Variants in TBC1D15 observed in about 807,000 individuals in gnomAD.
TBC1D15 encodes GAP for RAB7.
In TBC1D15, 39 loss-of-function variants were observed where a neutral mutation model predicts 95.4. The observed-to-expected ratio is 0.41, with a 90% CI of 0.32 to 0.53. The LOEUF is 0.53. Ranked by LOEUF, TBC1D15 falls within the 20% of genes least tolerant of loss-of-function variation. The pLI is 0.29. For synonymous variants in TBC1D15, 258 were observed against 261.3 expected (o/e 0.99, Z 0.12); for missense variants, 733 against 794.3 (o/e 0.92, Z 0.93).
At chr12:71,893,114 T>C (rs1278531859) in intron 5 of TBC1D15, 108 bp from the exon 6 acceptor site, 3 of 616,148 alleles carry the variant, frequency 4.9e-6, no homozygotes, top group Non-Finnish European at 7.8e-6. Context: ...TGTTAAAATA[T>C]TTTGGGTTTT....
chr12:71,895,832 TTAAAAG>T, intron 7 of TBC1D15, 109 bp from the exon 8 acceptor site: 1 of 999,772 alleles, frequency 1.0e-6, no homozygotes, highest in Admixed American at 2.9e-5. Context: ...AGGAACAATC[TTAAAAG>T]TATTAGAAGT....
At position 71,839,809 on chromosome 12, in the gene TBC1D15, A is replaced by C. The variant is rs75347629; in HGVS notation, c.28A>C (p.Lys10Gln). Residue 10 changes from lysine to glutamine, a missense_variant and splice_region_variant, in exon 1 of 17, where the codon AAG becomes CAG. By Grantham distance (53) the Lys-to-Gln change is moderately conservative. Coordinates refer to ENST00000485960, the MANE Select transcript of TBC1D15 (RefSeq NM_001146213.3). ...GGCGGCGGCGGGTGTTGTGAGCGGG[A>C]AGGTAGGTAACGGCCTCCAGGAAGA... The part of the protein sequence containing the change: MAAAGVVSG[K>Q]IIYEQEGVYI... 3.1e-6 allele frequency: 5 copies of C among 1,613,840 alleles called. No homozygotes were observed. The highest frequency in any genetic ancestry group is 1.3e-5 in the African/African-American group (1 of 74,856).
intron 10 of TBC1D15, among the ~76,000 whole-genome samples, chr12:71,899,974 C>A (rs6582067): frequency 0.27 from 40,975 of 151,180 alleles, 7,518 homozygotes; most frequent in African/African-American, 0.53. Flanking sequence ...AAAACAAAAC[C>A]AAAAAAAGTA....
intron 5 of TBC1D15, among the ~76,000 whole-genome samples, chr12:71,892,174 A>C (rs1897297110): frequency 6.6e-6 from 1 of 151,950 alleles, no homozygotes. Flanking sequence ...ATGTCAAATG[A>C]CTCAACCTCA....
At chr12:71,918,336 A>G in intron 13 of TBC1D15, 115 bp from the exon 14 acceptor site, 1 of 558,978 alleles carries the variant, frequency 1.8e-6, no homozygotes, top group East Asian at 3.0e-5. Flanking sequence ...GTAGAAGACA[A>G]ATGTATAGGG....
At chr12:71,847,107 A>T (rs1466946407) in intron 1 of TBC1D15, among the ~76,000 whole-genome samples, 1 of 152,098 alleles carries the variant, frequency 6.6e-6, no homozygotes, top group East Asian at 1.9e-4. Flanking sequence ...ACATGTATTT[A>T]GAGTATACAA....
chr12:71,889,144 A>C (rs375745510), intron 5 of TBC1D15, among the ~76,000 whole-genome samples: 2 of 152,284 alleles, frequency 1.3e-5, no homozygotes. Flanking sequence ...TGCACCCTTT[A>C]ATAATCTGGT....
intron 11 of TBC1D15, among the ~76,000 whole-genome samples, chr12:71,909,022 A>G (rs1901513713): frequency 6.6e-6 from 1 of 152,204 alleles, no homozygotes; most frequent in Non-Finnish European, 1.5e-5. Context: ...ATTCTCTCAG[A>G]TGGTAATTTT....
rs1280168283 is a variant in TBC1D15 at position 71,923,613 on chromosome 12, C to G, written c.*409C>G. On this transcript the variant is annotated 3_prime_UTR_variant, in exon 17 of 17. Transcript: ENST00000485960. ...TTCTAAGCTGAGAAGTAGATTGTTA[C>G]CCAGTAATGAAATAAAAAATAAAAA... is the stretch of plus-strand genomic sequence containing the variant. 6.3e-6 allele frequency: 1 copy of G among 159,046 alleles called. No individual in the cohort carries two copies. The highest frequency in any genetic ancestry group is 1.4e-5 in the Non-Finnish European group (1 of 72,224). The allele number at this position is 159,046 out of a possible 1,614,324, so 9.9% of individuals were successfully genotyped here.
At chr12:71,889,967 A>G (rs927910990) in intron 5 of TBC1D15, among the ~76,000 whole-genome samples, 6 of 152,196 alleles carry the variant, frequency 3.9e-5, no homozygotes, top group African/African-American at 9.6e-5. Context: ...TGCCAAGGAC[A>G]TGGTCTCATT....
chr12:71,846,495 T>C (rs1261444584), intron 1 of TBC1D15, among the ~76,000 whole-genome samples: 2 of 152,218 alleles, frequency 1.3e-5, no homozygotes, highest in Admixed American at 6.5e-5. Context: ...AATTGCTTCA[T>C]AAAAGTTTGT....
rs1870257012 is a variant in TBC1D15 at position 71,923,684 on chromosome 12, A to G, written c.*480A>G. On this transcript the variant is annotated 3_prime_UTR_variant, in exon 17 of 17. Transcript: ENST00000485960. ...TTGTTTACGACAGTACTCAGCTTAA[A>G]TATTTATGCTGGTCAAATGTGATTT... 6.5e-6 allele frequency: 1 copy of G among 154,180 alleles called. No individual in the cohort carries two copies. Among genetic ancestry groups the G allele is most frequent in the South Asian group, 2.0e-4 (1 of 4,940 alleles). 9.6% of individuals were successfully genotyped at this position (154,180 alleles called of 1,614,324 possible).
chr12:71,894,570 CTGTT>C, intron 6 of TBC1D15, 112 bp from the exon 7 acceptor site: 1 of 1,097,810 alleles, frequency 9.1e-7, no homozygotes, highest in Admixed American at 2.7e-5. Flanking sequence ...TTAGAACACT[CTGTT>C]TTAGTCCTGA....
chr12:71,866,298 C>A (rs961979881), intron 1 of TBC1D15, among the ~76,000 whole-genome samples: 1 of 152,190 alleles, frequency 6.6e-6, no homozygotes, highest in Admixed American at 6.5e-5. Context: ...AGGACAGATG[C>A]GGTATCTTCT....
intron 1 of TBC1D15, chr12:71,849,173 A>C (rs556888841): frequency 9.6e-5 from 27 of 280,326 alleles, no homozygotes; most frequent in Admixed American, 2.5e-4. Context: ...TAAAAAAAAA[A>C]AAAAACAAAA....
At chr12:71,890,437 CT>C (rs141301119) in intron 5 of TBC1D15, among the ~76,000 whole-genome samples, 2,737 of 151,722 alleles carry the variant, frequency 0.018, 45 homozygotes, top group African/African-American at 0.021. Flanking sequence ...GATCAGATAA[CT>C]TTTTTTTTAT....
intron 10 of TBC1D15, among the ~76,000 whole-genome samples, chr12:71,905,936 G>T (rs1900590698): frequency 6.6e-6 from 1 of 151,882 alleles, no homozygotes; most frequent in South Asian, 2.1e-4. Context: ...GCAGTGGTGG[G>T]ATCTTGGCTC....
chr12:71,885,524 A>G (rs966610606), intron 5 of TBC1D15, among the ~76,000 whole-genome samples: 10 of 152,198 alleles, frequency 6.6e-5, no homozygotes, highest in Admixed American at 6.5e-4. Context: ...TGTTACTCTC[A>G]GCAAATATTT....
At chr12:71,896,156 G>T in intron 8 of TBC1D15, 81 bp downstream of exon 8, 9 of 1,215,496 alleles carry the variant, frequency 7.4e-6, no homozygotes, top group Non-Finnish European at 9.8e-6. Context: ...CTGTTTTGGT[G>T]TGTTTTTTTT....
Sources: allele counts gnomAD v4.1 joint callset (sites outside exome capture counted in the v4.1 genomes callset), GRCh38; gene constraint gnomAD v4.1.1; transcripts MANE v1.5; gene names NCBI Gene and HGNC (gene_info 2026-07-23, HGNC 2026-07-21).